CATSPERE: variants seen among roughly 807,000 people sequenced by gnomAD.
The protein encoded by CATSPERE is cation channel sperm-associated auxiliary subunit epsilon.
Under a neutral mutation model 114.1 loss-of-function variants are expected in CATSPERE, and 93 were observed. That is an observed-to-expected ratio of 0.81 (90% confidence interval 0.69 to 0.97). The LOEUF (loss-of-function observed/expected upper bound fraction) is 0.97. CATSPERE is among the 50% of genes least tolerant of loss of function. The pLI, the probability that CATSPERE is intolerant of heterozygous loss-of-function variation, is 0.00. For synonymous variants in CATSPERE, 341 were observed against 384.1 expected, an observed-to-expected ratio of 0.89 and a Z score of 1.31; for missense variants, 1,058 against 1,131.6, an observed-to-expected ratio of 0.93 and a Z score of 0.93.
At chr1:244,496,450 G>A (rs1673102651) in intron 6 of CATSPERE, among the ~76,000 whole-genome samples, 1 of 152,162 alleles carries the variant, frequency 6.6e-6, no homozygotes, top group Non-Finnish European at 1.5e-5. Context: ...GGTGAAACCA[G>A]TTGAACTTTT....
At chr1:244,523,015 G>A (rs986604240) in intron 8 of CATSPERE, among the ~76,000 whole-genome samples, 5 of 148,458 alleles carry the variant, frequency 3.4e-5, no homozygotes, top group South Asian at 2.1e-4. Context: ...TACCAAAGCC[G>A]GGCAGAGACA....
At chr1:244,499,574 A>G (rs1673690050) in intron 7 of CATSPERE, among the ~76,000 whole-genome samples, 1 of 140,476 alleles carries the variant, frequency 7.1e-6, no homozygotes, top group Non-Finnish European at 1.5e-5. Context: ...ACTCCCAATT[A>G]TGAGTAAGAA....
At chr1:244,562,303 A>G (rs1019685904) in intron 10 of CATSPERE, among the ~76,000 whole-genome samples, 1 of 152,192 alleles carries the variant, frequency 6.6e-6, no homozygotes, top group African/African-American at 2.4e-5. Context: ...TCCACTGTCT[A>G]TGCACACTAC....
intron 8 of CATSPERE, among the ~76,000 whole-genome samples, chr1:244,538,349 G>A (rs1441710360): frequency 6.6e-6 from 1 of 152,130 alleles, no homozygotes; most frequent in African/African-American, 2.4e-5. Flanking sequence ...AAAATTGGAA[G>A]GGAGGCAAGA....
rs901796655 is a variant in CATSPERE at position 244,478,862 on chromosome 1, T to A, written c.259-855T>A. On this transcript the variant is annotated intron_variant, in intron 4 of 21. Coordinates refer to ENST00000366534, the MANE Select transcript of CATSPERE (RefSeq NM_001130957.2). ...GGCCAACATAGTGAAACCCCGTCTCTGCTAAAAATACAAAAAGTAGCCGGG... is the reference window on the plus strand; with the variant it reads ...GGCCAACATAGTGAAACCCCGTCTCAGCTAAAAATACAAAAAGTAGCCGGG... 1.8e-4 allele frequency among the ~76,000 whole-genome samples: 28 copies of A among 151,638 alleles called. 1 individual carries two copies. Among genetic ancestry groups the A allele is most frequent in the Non-Finnish European group, 3.5e-4 (24 of 67,920 alleles).
At chr1:244,490,720 G>T (rs925929074) in intron 6 of CATSPERE, among the ~76,000 whole-genome samples, 3 of 151,516 alleles carry the variant, frequency 2.0e-5, no homozygotes, top group Admixed American at 1.3e-4. Context: ...CAACAACTTG[G>T]CTGAAGGAGC....
intron 17 of CATSPERE, among the ~76,000 whole-genome samples, chr1:244,603,235 G>T (rs1312428950): frequency 6.6e-6 from 1 of 152,090 alleles, no homozygotes; most frequent in African/African-American, 2.4e-5. Flanking sequence ...CCTAGAGTCA[G>T]CAAGGCCCCA....
chr1:244,601,676 G>A (rs1035521682), intron 17 of CATSPERE, among the ~76,000 whole-genome samples: 24 of 152,274 alleles, frequency 1.6e-4, no homozygotes, highest in African/African-American at 3.4e-4. Context: ...AGGGAGGGCC[G>A]GGCGCGGTGG....
At chr1:244,500,240 A>T (rs1222303703) in intron 7 of CATSPERE, among the ~76,000 whole-genome samples, 1 of 152,148 alleles carries the variant, frequency 6.6e-6, no homozygotes, top group Admixed American at 6.5e-5. Context: ...GATTCTGGAT[A>T]TTAGACTTTT....
intron 19 of CATSPERE, chr1:244,610,542 C>G (rs1670577705): frequency 1.5e-6 from 1 of 655,578 alleles, no homozygotes; most frequent in African/African-American, 1.8e-5. Flanking sequence ...TTAATTTTCA[C>G]TGCTGTAAAT....
intron 13 of CATSPERE, among the ~76,000 whole-genome samples, chr1:244,584,923 C>G (rs1417178184): frequency 2.0e-5 from 3 of 152,166 alleles, no homozygotes; most frequent in Non-Finnish European, 2.9e-5. Context: ...CCAGCTTAAT[C>G]CACGTAGGAA....
At chr1:244,587,829 A>G (rs1667208217) in intron 13 of CATSPERE, among the ~76,000 whole-genome samples, 1 of 152,162 alleles carries the variant, frequency 6.6e-6, no homozygotes, top group South Asian at 2.1e-4. Context: ...GATTATAGAA[A>G]CCTGCCAGCT....
intron 8 of CATSPERE, among the ~76,000 whole-genome samples, chr1:244,536,491 G>A (rs3005983): frequency 0.87 from 132,373 of 152,218 alleles, 58,540 homozygotes; most frequent in East Asian, 1. Context: ...TTCCCTCTGC[G>A]GGCGTCATCT....
At position 244,505,065 on chromosome 1, in the gene CATSPERE, A is replaced by G. The variant is rs140214951; in HGVS notation, c.429+5986A>G. The stretch of plus-strand genomic sequence containing the variant: ...ATTTTATGTTTTGGGTTACAATCCA[A>G]TACTACTTTATTTATTGGGAGCTCT... On this transcript the variant is annotated intron_variant, in intron 7 of 21. Coordinates refer to ENST00000366534, the MANE Select transcript of CATSPERE (RefSeq NM_001130957.2). 2.4e-4 allele frequency among the ~76,000 whole-genome samples: 36 copies of G among 152,326 alleles called. 1 individual carries two copies. The highest frequency in any genetic ancestry group is 6.2e-4 in the South Asian group (3 of 4,822).
intron 13 of CATSPERE, among the ~76,000 whole-genome samples, chr1:244,584,840 C>T (rs1257423277): frequency 6.6e-6 from 1 of 152,116 alleles, no homozygotes; most frequent in African/African-American, 2.4e-5. Flanking sequence ...TTGAGCACTG[C>T]AGACACACGC....
chr1:244,590,525 A>G (rs1302718603), intron 14 of CATSPERE, among the ~76,000 whole-genome samples: 1 of 152,198 alleles, frequency 6.6e-6, no homozygotes, highest in African/African-American at 2.4e-5. Flanking sequence ...TAGCACCACT[A>G]TCTAGTTCCA....
At chr1:244,454,461 GT>G in exon 1 of CATSPERE, 1 of 152,116 alleles carries the variant, frequency 6.6e-6, no homozygotes. Context: ...TCTCGTCTAT[GT>G]TTCCATAAAA....
chr1:244,499,230 AT>A, intron 7 of CATSPERE, 151 bp downstream of exon 7: 1 of 506,208 alleles, frequency 2.0e-6, no homozygotes, highest in South Asian at 4.3e-5. Flanking sequence ...TTTAGCCATT[AT>A]AGTAGTTTTG....
chr1:244,501,945 T>C (rs115443530), intron 7 of CATSPERE, among the ~76,000 whole-genome samples: 1,646 of 152,320 alleles, frequency 0.011, 25 homozygotes, highest in Middle Eastern at 0.027. Context: ...TGCTGTTCTA[T>C]GCATCTGTGT....
Sources: gnomAD v4.1 joint callset for allele counts (sites outside exome capture counted in the v4.1 genomes callset) on GRCh38, gnomAD v4.1.1 for gene constraint, MANE v1.5 for transcripts, NCBI Gene and HGNC (gene_info 2026-07-23, HGNC 2026-07-21) for gene names.